Variants in ZNF277 observed in about 807,000 individuals in gnomAD.
ZNF277 encodes the protein zinc finger protein 277.
In ZNF277, 55 loss-of-function variants were observed where a neutral mutation model predicts 60.7. The ratio of observed to expected loss-of-function variants is 0.91; its 90% confidence interval spans 0.73 to 1.13. ZNF277 has a LOEUF of 1.13. Among genes scored for constraint, ZNF277 ranks in the 50% most tolerant of loss-of-function variants. ZNF277 has a pLI of 0.00. For synonymous variants in ZNF277, 178 were observed against 179.3 expected, an observed-to-expected ratio of 0.99 and a Z score of 0.06; for missense variants, 510 against 523.0, an observed-to-expected ratio of 0.98 and a Z score of 0.24.
chr7:112,220,838 TCACCTGA>T (rs1477154412), intron 1 of ZNF277, among the ~76,000 whole-genome samples: 1 of 152,090 alleles, frequency 6.6e-6, no homozygotes, highest in Non-Finnish European at 1.5e-5. Flanking sequence ...CAATCATCTA[TCACCTGA>T]GAGCATAGGG....
chr7:112,223,664 C>T (rs1587089123), intron 1 of ZNF277, among the ~76,000 whole-genome samples: 1 of 152,262 alleles, frequency 6.6e-6, no homozygotes, highest in South Asian at 2.1e-4. Context: ...GCCTAAATCC[C>T]AAGGCTCCCA....
intron 7 of ZNF277, among the ~76,000 whole-genome samples, chr7:112,333,169 G>C (rs952792372): frequency 1.3e-5 from 2 of 151,434 alleles, no homozygotes; most frequent in Non-Finnish European, 2.9e-5. Context: ...AAAAAAGATA[G>C]ATATTCCCTT....
Position 112,318,106 on chromosome 7 carries a change from C to G in ZNF277, c.466-76C>G, listed in dbSNP as rs868771665. 2.4e-5 allele frequency: 30 copies of G among 1,228,954 alleles called. No homozygotes were observed. In the Middle Eastern group the frequency reaches 7.6e-4, roughly 31 times the overall value. 76.1% of individuals were successfully genotyped at this position (1,228,954 alleles called of 1,614,324 possible). ...CTTTATGCTTCCAGCCCAGTTTCCT[C>G]CCATCCAGACTTTGACATTTTTTAT... On this transcript the variant is annotated intron_variant, in intron 4 of 11. Transcript: ENST00000361822.
chr7:112,230,691 G>A (rs6466403), intron 1 of ZNF277, among the ~76,000 whole-genome samples: 150,005 of 152,296 alleles, frequency 0.98, 73,912 homozygotes, highest in East Asian at 1. Context: ...ACATTTTTCA[G>A]AGTCATGCTT....
chr7:112,250,519 T>TG (rs2117008872), intron 1 of ZNF277, among the ~76,000 whole-genome samples: 1 of 152,302 alleles, frequency 6.6e-6, no homozygotes, highest in South Asian at 2.1e-4. Flanking sequence ...TTGCAGTTTG[T>TG]GGGGCATCAC....
chr7:112,233,662 G>A (rs1822402364), intron 1 of ZNF277, among the ~76,000 whole-genome samples: 1 of 152,116 alleles, frequency 6.6e-6, no homozygotes, highest in Non-Finnish European at 1.5e-5. Flanking sequence ...AGAATAGTTG[G>A]TTTTGGTTTT....
intron 5 of ZNF277, among the ~76,000 whole-genome samples, chr7:112,326,205 G>A (rs1196250673): frequency 6.6e-6 from 1 of 152,186 alleles, no homozygotes; most frequent in Non-Finnish European, 1.5e-5. Flanking sequence ...CAGCACCCAG[G>A]CACAATCTAG....
intron 6 of ZNF277, chr7:112,328,397 G>C (rs1362776939): frequency 6.6e-6 from 1 of 152,120 alleles, no homozygotes; most frequent in Non-Finnish European, 1.5e-5. Context: ...CTGGAGCTTA[G>C]CCTGTTGAAA....
intron 1 of ZNF277, among the ~76,000 whole-genome samples, chr7:112,224,422 C>T (rs1367794706): frequency 1.3e-5 from 2 of 152,210 alleles, no homozygotes; most frequent in Non-Finnish European, 2.9e-5. Flanking sequence ...TGTGAGGAAA[C>T]AACACCTCAG....
intron 5 of ZNF277, among the ~76,000 whole-genome samples, chr7:112,326,359 A>C (rs1333659387): frequency 6.6e-6 from 1 of 150,816 alleles, no homozygotes; most frequent in Non-Finnish European, 1.5e-5. Flanking sequence ...CCTCTGCCTG[A>C]CACCCTTCCC....
intron 1 of ZNF277, among the ~76,000 whole-genome samples, chr7:112,212,724 A>G (rs1056423450): frequency 2.0e-5 from 3 of 152,178 alleles, no homozygotes; most frequent in African/African-American, 7.2e-5. Flanking sequence ...TATGCTGTCA[A>G]TGCTTTCCTG....
chr7:112,243,530 C>CA (rs1213801825), intron 1 of ZNF277, among the ~76,000 whole-genome samples: 1 of 147,710 alleles, frequency 6.8e-6, no homozygotes, highest in Non-Finnish European at 1.5e-5. Context: ...AGGACATAGA[C>CA]ATTTTTCAAA....
chr7:112,224,341 A>G (rs963130993), intron 1 of ZNF277, among the ~76,000 whole-genome samples: 2 of 152,272 alleles, frequency 1.3e-5, no homozygotes, highest in East Asian at 1.9e-4. Flanking sequence ...AAAGTTTACA[A>G]ATTTGTGTTG....
At chr7:112,324,062 T>G (rs545121329) in intron 5 of ZNF277, among the ~76,000 whole-genome samples, 8 of 152,318 alleles carry the variant, frequency 5.3e-5, no homozygotes, top group African/African-American at 1.7e-4. Context: ...TTAAGGACCA[T>G]TGTGAATGTG....
chr7:112,274,555 A>G (rs892748894), intron 1 of ZNF277, among the ~76,000 whole-genome samples: 1 of 152,174 alleles, frequency 6.6e-6, no homozygotes, highest in African/African-American at 2.4e-5. Flanking sequence ...TTCATGAATT[A>G]AGACATCAAA....
At chr7:112,334,627 T>C (rs1793295529) in intron 7 of ZNF277, among the ~76,000 whole-genome samples, 1 of 152,200 alleles carries the variant, frequency 6.6e-6, no homozygotes, top group Non-Finnish European at 1.5e-5. Flanking sequence ...CTGAGGAAGT[T>C]GCAAAATAAT....
intron 1 of ZNF277, among the ~76,000 whole-genome samples, chr7:112,260,004 C>T (rs116280722): frequency 0.012 from 1,772 of 152,304 alleles, 35 homozygotes; most frequent in African/African-American, 0.041. Flanking sequence ...CAGTGGCTCA[C>T]GCCTGTAATC....
At chr7:112,299,416 C>T (rs1431822838) in intron 4 of ZNF277, among the ~76,000 whole-genome samples, 1 of 152,134 alleles carries the variant, frequency 6.6e-6, no homozygotes, top group Admixed American at 6.5e-5. Context: ...TCTTCAGCTG[C>T]TTTTAAGAAT....
intron 1 of ZNF277, among the ~76,000 whole-genome samples, chr7:112,261,266 G>A (rs1791432572): frequency 6.6e-6 from 1 of 152,192 alleles, no homozygotes; most frequent in Non-Finnish European, 1.5e-5. Context: ...TGAAGTTTCA[G>A]TAGTAAAGTA....
Sources: allele counts gnomAD v4.1 joint callset (sites outside exome capture counted in the v4.1 genomes callset), GRCh38; gene constraint gnomAD v4.1.1; transcripts MANE v1.5; gene names NCBI Gene and HGNC (gene_info 2026-07-23, HGNC 2026-07-21).